ABLIM2: variants seen among roughly 807,000 people sequenced by gnomAD.
ABLIM2 encodes actin-binding LIM protein 2.
ABLIM2 carries 53 observed loss-of-function variants against 97.7 expected under a neutral mutation model. That is an observed-to-expected ratio of 0.54 (90% confidence interval 0.44 to 0.68). The LOEUF (loss-of-function observed/expected upper bound fraction) is 0.68, where lower values mean the gene tolerates loss of function less well. Ranked by LOEUF, ABLIM2 falls within the 30% of genes least tolerant of loss-of-function variation. The pLI is 0.00. For synonymous variants in ABLIM2, 361 were observed against 345.8 expected (o/e 1.04, Z -0.49); for missense variants, 835 against 867.2 (o/e 0.96, Z 0.47).
At chr4:8,000,914 G>C (rs981172723) in intron 16 of ABLIM2, among the ~76,000 whole-genome samples, 2 of 152,188 alleles carry the variant, frequency 1.3e-5, no homozygotes, top group Non-Finnish European at 2.9e-5. Context: ...AGAGGTCAAA[G>C]TCACCGCTGG....
Position 7,992,995 on chromosome 4 carries a change from G to C in ABLIM2, c.1619-68C>G, listed in dbSNP as rs1750158413. Reference sequence around the variant, plus strand: ...GTGCAGCAATGGGGGTGCAGCCCTGGGGGGGCTTCCCACCGGGGTGGGCAA... The same window carrying C: ...GTGCAGCAATGGGGGTGCAGCCCTGCGGGGGCTTCCCACCGGGGTGGGCAA... On this transcript the variant is annotated intron_variant, in intron 16 of 20. Coordinates refer to ENST00000447017, the MANE Select transcript of ABLIM2 (RefSeq NM_001130083.2). The surrounding 1 kb of genome is among the most constrained non-coding windows in gnomAD (Gnocchi z 5.7). 17 of 1,553,112 alleles carry C rather than the reference G, an allele frequency of 1.1e-5. No individual in the cohort carries two copies. Among genetic ancestry groups the C allele is most frequent in the African/African-American group, 2.7e-5 (2 of 73,638 alleles).
intron 1 of ABLIM2, among the ~76,000 whole-genome samples, chr4:8,126,645 C>CCA (rs1353822789): frequency 6.6e-6 from 1 of 152,090 alleles, no homozygotes; most frequent in Non-Finnish European, 1.5e-5. Flanking sequence ...TGCTGTCCCC[C>CCA]GAGCAGGACA....
At chr4:8,144,792 C>T (rs1453025008) in intron 1 of ABLIM2, among the ~76,000 whole-genome samples, 1 of 152,242 alleles carries the variant, frequency 6.6e-6, no homozygotes, top group Admixed American at 6.5e-5. Context: ...CTGTTCTCTA[C>T]CAGCCACCGG....
At chr4:8,099,877 C>G (rs757148040) in intron 2 of ABLIM2, among the ~76,000 whole-genome samples, 1 of 152,060 alleles carries the variant, frequency 6.6e-6, no homozygotes, top group Admixed American at 6.6e-5. Context: ...CAACAAAAAC[C>G]CCAGGCCTCT....
At chr4:8,153,445 C>T (rs570492974) in intron 1 of ABLIM2, among the ~76,000 whole-genome samples, 47 of 152,160 alleles carry the variant, frequency 3.1e-4, no homozygotes, top group Non-Finnish European at 6.9e-4. Context: ...TTGGGGGTGA[C>T]CAGGTTAAGC....
intron 1 of ABLIM2, among the ~76,000 whole-genome samples, chr4:8,131,732 G>A (rs1171027167): frequency 7.4e-5 from 5 of 67,808 alleles, no homozygotes; most frequent in Non-Finnish European, 1.1e-4. Flanking sequence ...ACAGCAGCCC[G>A]CATCCCCAGC....
At chr4:8,016,747 C>T (rs1450373972) in intron 14 of ABLIM2, among the ~76,000 whole-genome samples, 1 of 152,176 alleles carries the variant, frequency 6.6e-6, no homozygotes, top group Admixed American at 6.5e-5. Flanking sequence ...CCGCAGAAAC[C>T]AAGATAAGAT....
intron 10 of ABLIM2, among the ~76,000 whole-genome samples, chr4:8,034,923 T>C: frequency 1.2e-5 from 1 of 81,310 alleles, no homozygotes; most frequent in Admixed American, 1.4e-4. Context: ...TGGTGGGTGG[T>C]AGGTAGGTGG....
intron 1 of ABLIM2, among the ~76,000 whole-genome samples, chr4:8,121,803 G>A (rs536411557): frequency 2.0e-5 from 3 of 152,278 alleles, no homozygotes; most frequent in African/African-American, 7.2e-5. Flanking sequence ...GTGGATGGGG[G>A]GGTGATGATG....
At chr4:8,143,159 T>TTGGGGC (rs58979220) in intron 1 of ABLIM2, among the ~76,000 whole-genome samples, 1 of 61,368 alleles carries the variant, frequency 1.6e-5, no homozygotes, top group African/African-American at 6.9e-5. Context: ...GGGGCGAGAG[T>TTGGGGC]GGGGGGGGGG....
intron 9 of ABLIM2, among the ~76,000 whole-genome samples, chr4:8,036,767 G>A (rs1784734170): frequency 6.6e-6 from 1 of 152,214 alleles, no homozygotes; most frequent in Non-Finnish European, 1.5e-5. Context: ...ATGGGGTCTG[G>A]CAGGCAGTGA....
At chr4:8,012,437 A>G (rs1344267662) in intron 14 of ABLIM2, among the ~76,000 whole-genome samples, 1 of 72,624 alleles carries the variant, frequency 1.4e-5, no homozygotes, top group Non-Finnish European at 2.6e-5. Context: ...CCGCCCACCC[A>G]TCAACCCACC....
chr4:8,080,667 C>G lies in ABLIM2; in HGVS notation c.581+9G>C. 6.3e-7 allele frequency: 1 copy of G among 1,596,484 alleles called. No individual in the cohort carries two copies. On this transcript the variant is annotated intron_variant, in intron 5 of 20. Coordinates refer to ENST00000447017, the MANE Select transcript of ABLIM2 (RefSeq NM_001130083.2). ...CGGAGGCTCTCACTAGAGCCCTCCC[C>G]CCACTTACTTGCTGATGTACTCGGC...
In ABLIM2 at chr4:8,044,475, A is replaced by G. The variant is rs1312971005; in HGVS notation, c.900+689T>C. On this transcript the variant is annotated intron_variant, in intron 9 of 20. Coordinates refer to ENST00000447017, the MANE Select transcript of ABLIM2 (RefSeq NM_001130083.2). This position sits in a 1 kb window ranked among gnomAD's most constrained non-coding sequence, Gnocchi z 4.4. ...CATATACATATGTATATGTATGTAT[A>G]CATATATAAATTTAAATATACAATA... Among the ~76,000 whole-genome samples the G allele has an allele frequency of 6.6e-6, 1 of 151,878 alleles. No homozygotes were observed. The highest frequency in any genetic ancestry group is 1.5e-5 in the Non-Finnish European group (1 of 67,982).
chr4:8,069,311 G>T lies in ABLIM2; in HGVS notation c.676-8257C>A, dbSNP rs369288973. ...GAGGCCAGCCTGAGCGGCCCTAGAG[G>T]ACCAGAGAACTTGACTAAGTTTGGG... On this transcript the variant is annotated intron_variant, in intron 6 of 20. Transcript: ENST00000447017. This position sits in a 1 kb window ranked among gnomAD's most constrained non-coding sequence, Gnocchi z 4.2. Among the ~76,000 whole-genome samples, 81 of 152,394 alleles carry T rather than the reference G, an allele frequency of 5.3e-4. No individual in the cohort carries two copies. Among genetic ancestry groups the T allele is most frequent in the South Asian group, 1.4e-3 (7 of 4,832 alleles).
rs1405960754 is a variant in ABLIM2 at position 8,015,145 on chromosome 4, G to C, written c.1423+4473C>G. ...CATGTTGGCCAGGCTGGTCTCGAAT[G>C]CTTGACCTCAGGTGATCCATTCACC... is the stretch of plus-strand genomic sequence containing the variant. On this transcript the variant is annotated intron_variant, in intron 14 of 20. Coordinates refer to ENST00000447017, the MANE Select transcript of ABLIM2 (RefSeq NM_001130083.2). The surrounding 1 kb of genome is among the most constrained non-coding windows in gnomAD (Gnocchi z 4.6). Among the ~76,000 whole-genome samples, 1 of 152,014 alleles carries C rather than the reference G, an allele frequency of 6.6e-6. No homozygotes were observed. The highest frequency in any genetic ancestry group is 1.5e-5 in the Non-Finnish European group (1 of 67,988).
At chr4:8,027,904 T>C (rs1287430118) in intron 11 of ABLIM2, 47 bp from the exon 12 acceptor site, 1 of 1,363,890 alleles carries the variant, frequency 7.3e-7, no homozygotes, top group Non-Finnish European at 1.0e-6. Flanking sequence ...GGCTGGCTGG[T>C]GCAACGCCAC....
chr4:8,007,553 C>A (rs1456105407), intron 16 of ABLIM2: 1 of 986,038 alleles, frequency 1.0e-6, no homozygotes, highest in Non-Finnish European at 1.2e-6. Context: ...ACTCCTGATT[C>A]AGTCTTCAAA....
intron 12 of ABLIM2, among the ~76,000 whole-genome samples, chr4:8,024,477 C>T (rs1452003017): frequency 1.3e-5 from 2 of 152,190 alleles, no homozygotes; most frequent in African/African-American, 2.4e-5. Flanking sequence ...GGGAAATGTC[C>T]ACTGAGAGGG....
Sources: gnomAD v4.1 joint callset for allele counts (sites outside exome capture counted in the v4.1 genomes callset) on GRCh38, gnomAD v4.1.1 for gene constraint, Gnocchi (gnomAD v3.1) non-coding constraint, MANE v1.5 for transcripts, NCBI Gene and HGNC (gene_info 2026-07-23, HGNC 2026-07-21) for gene names.